EIPR1: variants seen among roughly 807,000 people sequenced by gnomAD.
EIPR1 encodes EARP complex and GARP complex interacting protein 1.
Under a neutral mutation model 48.1 loss-of-function variants are expected in EIPR1, and 25 were observed. That is an observed-to-expected ratio of 0.52 (90% CI 0.38 to 0.73). The LOEUF (loss-of-function observed/expected upper bound fraction) is 0.73, where lower values mean the gene tolerates loss of function less well. Among genes scored for constraint, EIPR1 ranks in the 30% least tolerant of loss-of-function variants. EIPR1 has a pLI of 0.00. For synonymous variants in EIPR1, 204 were observed against 201.9 expected (o/e 1.01, Z -0.09); for missense variants, 415 against 506.2 (o/e 0.82, Z 1.73).
chr2:3,292,176 T>C (rs978105428), intron 3 of EIPR1, among the ~76,000 whole-genome samples: 40 of 152,388 alleles, frequency 2.6e-4, no homozygotes, highest in African/African-American at 7.9e-4. Flanking sequence ...AGGTGAGGCC[T>C]GCAGCACTGG....
At position 3,197,012 on chromosome 2, in the gene EIPR1, G is replaced by A; in HGVS notation, c.522C>T (p.Ala174=). 1 of 1,613,744 alleles carries A rather than the reference G, an allele frequency of 6.2e-7. No individual in the cohort carries two copies. The highest frequency in any genetic ancestry group is 8.5e-7 in the Non-Finnish European group (1 of 1,179,970). The change falls in exon 6 of 9, where the codon GCC becomes GCT. Residue 174 remains alanine (A), a synonymous_variant. Transcript: ENST00000382125. ...LQESSSQAVL[A]SSASLEGKGQ... ...CCTTCCCTTCCAGGGACGCTGAGCT[G>A]GCCAGCTGGGAGTGTCACGATGTTT...
chr2:3,196,110 T>G (rs1664791942), intron 6 of EIPR1, among the ~76,000 whole-genome samples: 1 of 152,242 alleles, frequency 6.6e-6, no homozygotes, highest in Admixed American at 6.5e-5. Flanking sequence ...ACAAGCCCTC[T>G]GCACGGACGT....
chr2:3,205,393 T>C (rs1370202035), intron 5 of EIPR1, among the ~76,000 whole-genome samples: 2 of 152,162 alleles, frequency 1.3e-5, no homozygotes. Flanking sequence ...ACTGGAACCG[T>C]GGGAGTCTGC....
At chr2:3,352,823 C>T (rs902190802) in intron 2 of EIPR1, among the ~76,000 whole-genome samples, 1 of 152,172 alleles carries the variant, frequency 6.6e-6, no homozygotes, top group Non-Finnish European at 1.5e-5. Context: ...GTGGTGAAAC[C>T]CCGTCTCTAC....
intron 2 of EIPR1, among the ~76,000 whole-genome samples, chr2:3,352,282 C>A (rs1670600299): frequency 6.7e-6 from 1 of 149,764 alleles, no homozygotes; most frequent in Non-Finnish European, 1.5e-5. Flanking sequence ...CAGAAGCGAC[C>A]TGCCCCTGAG....
intron 2 of EIPR1, among the ~76,000 whole-genome samples, chr2:3,341,121 C>CAAAAAAAAAAA (rs1258563248): frequency 1.1e-5 from 1 of 91,592 alleles, no homozygotes; most frequent in African/African-American, 4.2e-5. Flanking sequence ...AAAAAAAAAA[C>CAAAAAAAAAAA]AAAACAAAAC....
intron 3 of EIPR1, among the ~76,000 whole-genome samples, chr2:3,313,213 G>C (rs1010044937): frequency 2.0e-5 from 3 of 152,190 alleles, no homozygotes; most frequent in African/African-American, 7.2e-5. Context: ...AGTCTCATGT[G>C]AGGTGAAAGG....
intron 2 of EIPR1, among the ~76,000 whole-genome samples, chr2:3,341,121 C>CAAAAAA (rs1258563248): frequency 1.9e-4 from 17 of 91,600 alleles, no homozygotes; most frequent in African/African-American, 5.9e-4. Context: ...AAAAAAAAAA[C>CAAAAAA]AAAACAAAAC....
chr2:3,214,563 A>G (rs1665566329), intron 4 of EIPR1: 2 of 209,402 alleles, frequency 9.6e-6, no homozygotes, highest in Non-Finnish European at 1.9e-5. Context: ...AAATACCGTG[A>G]GCTGAAAATG....
chr2:3,296,649 C>T (rs1430267933), intron 3 of EIPR1, among the ~76,000 whole-genome samples: 2 of 150,546 alleles, frequency 1.3e-5, no homozygotes, highest in African/African-American at 4.9e-5. Flanking sequence ...CTCCATCCAG[C>T]CCATCCCGTC....
rs900319608 is a variant in EIPR1 at position 3,318,787 on chromosome 2, T to A, written c.259+19230A>T. The stretch of plus-strand genomic sequence containing the variant: ...CAAAATACATCTGGTGACGTGCTAC[T>A]CCTCGATCGCCACACATGCACCCCA... On this transcript the variant is annotated intron_variant, in intron 3 of 8. Transcript: ENST00000382125. 8.2e-5 allele frequency: 38 copies of A among 460,818 alleles called. No individual in the cohort carries two copies. In the East Asian group the frequency reaches 1.5e-3, roughly 18 times the overall value. The allele number at this position is 460,818 out of a possible 1,614,324, so 28.5% of individuals were successfully genotyped here.
intron 4 of EIPR1, among the ~76,000 whole-genome samples, chr2:3,237,600 T>C (rs1396163556): frequency 3.3e-5 from 5 of 152,184 alleles, no homozygotes; most frequent in Admixed American, 1.3e-4. Flanking sequence ...GACTGCTGTA[T>C]GACTAAGAGC....
intron 4 of EIPR1, among the ~76,000 whole-genome samples, chr2:3,229,075 T>G (rs149177547): frequency 6.6e-6 from 1 of 152,330 alleles, no homozygotes; most frequent in African/African-American, 2.4e-5. Context: ...AGCTGGAGAA[T>G]GAACAGAGCA....
intron 3 of EIPR1, among the ~76,000 whole-genome samples, chr2:3,301,826 T>C (rs1191153232): frequency 1.3e-5 from 2 of 152,158 alleles, no homozygotes; most frequent in Admixed American, 1.3e-4. Context: ...TAAAATGTCT[T>C]AGGTGTTAGA....
chr2:3,290,420 G>A (rs186834427), intron 3 of EIPR1, among the ~76,000 whole-genome samples: 3 of 152,354 alleles, frequency 2.0e-5, no homozygotes, highest in East Asian at 1.9e-4. Context: ...GTTGGGTGAG[G>A]AAGGGTTGGA....
rs1157631327 is a variant in EIPR1 at position 3,329,000 on chromosome 2, AATGATCTCAGGGTG to A, written c.259+9003_259+9016del. Among the ~76,000 whole-genome samples, 34 of 95,884 alleles carry A rather than the reference AATGATCTCAGGGTG, an allele frequency of 3.5e-4. 3 individuals carry two copies. The highest frequency in any genetic ancestry group is 8.3e-4 in the East Asian group (1 of 1,200). 62.9% of individuals were successfully genotyped at this position (95,884 alleles called of 152,430 possible). ...AATCAGAGCCCACCCACCACGTTCT[AATGATCTCAGGGTG>A]CCAGCCTGGGCTCCCTGAATCAGAG... is the stretch of plus-strand genomic sequence containing the variant. On this transcript the variant is annotated intron_variant, in intron 3 of 8. Transcript: ENST00000382125.
intron 4 of EIPR1, among the ~76,000 whole-genome samples, chr2:3,239,594 C>T (rs1235386474): frequency 1.3e-5 from 2 of 151,654 alleles, no homozygotes; most frequent in Non-Finnish European, 2.9e-5. Context: ...CTCAGCACAG[C>T]GCAAACCCTC....
At chr2:3,331,092 T>C in intron 3 of EIPR1, among the ~76,000 whole-genome samples, 1 of 136,922 alleles carries the variant, frequency 7.3e-6, no homozygotes, top group Non-Finnish European at 1.7e-5. Context: ...TGAGATGGTG[T>C]GAGCAGAGGC....
intron 3 of EIPR1, among the ~76,000 whole-genome samples, chr2:3,314,943 C>A (rs1489722990): frequency 6.6e-6 from 1 of 151,796 alleles, no homozygotes; most frequent in African/African-American, 2.4e-5. Context: ...CCTGGCAAGG[C>A]CCTGCCCTGG....
Sources: gnomAD v4.1 joint callset for allele counts (sites outside exome capture counted in the v4.1 genomes callset) on GRCh38, gnomAD v4.1.1 for gene constraint, MANE v1.5 for transcripts, NCBI Gene and HGNC (gene_info 2026-07-23, HGNC 2026-07-21) for gene names.